The following LINGO2 variants were observed in gnomAD, a reference collection of about 807,000 sequenced individuals.
The protein encoded by LINGO2 is leucine-rich repeat and immunoglobulin-like domain-containing nogo receptor-interacting protein 2.
Under a neutral mutation model 30.6 loss-of-function variants are expected in LINGO2, and 14 were observed. That is an observed-to-expected ratio of 0.46 (90% CI 0.30 to 0.72). LINGO2 has a LOEUF of 0.72. Among genes scored for constraint, LINGO2 ranks in the 30% least tolerant of loss-of-function variants. LINGO2 has a pLI of 0.07. For missense variants in LINGO2, 729 were observed against 751.7 expected (o/e 0.97, Z 0.35); for synonymous variants, 317 against 288.5 (o/e 1.10, Z -1.00).
downstream of LINGO2, chr9:27,944,441 G>C (rs16912052): frequency 2.6e-5 from 4 of 152,074 alleles, no homozygotes; most frequent in African/African-American, 9.7e-5. Flanking sequence ...GTGAAAAGGG[G>C]AGCATCACTG....
chr9:28,826,467 T>A, the LINGO2 span, among the ~76,000 whole-genome samples: 3 of 152,140 alleles, frequency 2.0e-5, no homozygotes, highest in Non-Finnish European at 2.9e-5. Flanking sequence ...TATTGGGATC[T>A]GCAGAACTCA....
chr9:28,811,323 G>A, the LINGO2 span, among the ~76,000 whole-genome samples: 5 of 152,054 alleles, frequency 3.3e-5, no homozygotes, highest in South Asian at 4.2e-4. Flanking sequence ...GAATTACTTC[G>A]AGAGCCACTT....
chr9:28,739,719 G>GT, the LINGO2 span, among the ~76,000 whole-genome samples: 1 of 151,484 alleles, frequency 6.6e-6, no homozygotes, highest in Non-Finnish European at 1.5e-5. Context: ...AAATATAAGA[G>GT]TTTTTTTCTG....
rs80297792 is a variant in LINGO2, at chr9:28,489,429, C to G, written c.-364-13404G>C. 7.7e-3 allele frequency among the ~76,000 whole-genome samples: 1,176 copies of G among 152,192 alleles called. 15 individuals carry two copies. Among genetic ancestry groups the G allele is most frequent in the African/African-American group, 0.027 (1,104 of 41,518 alleles). ...AAGTGATCCACCTGCCTCAGCCTCT[C>G]GAAGCATTGGGATTACAGGCATAAG... On this transcript the variant is annotated intron_variant, in intron 1 of 5. Transcript: ENST00000379992.
chr9:28,626,824 TA>T (rs1374857247), intron 1 of LINGO2, among the ~76,000 whole-genome samples: 1 of 134,960 alleles, frequency 7.4e-6, no homozygotes, highest in Non-Finnish European at 1.6e-5. Context: ...CTAAAAATTC[TA>T]TTGTGTGTGT....
rs575732018 is a variant in LINGO2 at position 28,217,738 on chromosome 9, C to T, written c.-87+77470G>A. ...TTATAATGGGTCTTGGTCCGAAAGA[C>T]CCCTTCTAACATTTTAGCTGTCAGT... is the stretch of plus-strand genomic sequence containing the variant. On this transcript the variant is annotated intron_variant, in intron 4 of 5. Coordinates refer to ENST00000379992, the Ensembl canonical transcript of LINGO2. 1.4e-4 allele frequency among the ~76,000 whole-genome samples: 21 copies of T among 152,080 alleles called. No individual in the cohort carries two copies. In the East Asian group the frequency reaches 4.1e-3, roughly 29 times the overall value.
At chr9:28,582,062 T>C (rs911114056) in intron 1 of LINGO2, among the ~76,000 whole-genome samples, 1 of 152,052 alleles carries the variant, frequency 6.6e-6, no homozygotes, top group Non-Finnish European at 1.5e-5. Context: ...TCCTAAGTCC[T>C]ATATTGAGCT....
At chr9:29,103,922 G>C in the LINGO2 span, among the ~76,000 whole-genome samples, 1 of 152,168 alleles carries the variant, frequency 6.6e-6, no homozygotes, top group Non-Finnish European at 1.5e-5. Flanking sequence ...TGCGCCTCAT[G>C]AATAAGTCAC....
the LINGO2 span, among the ~76,000 whole-genome samples, chr9:28,705,025 T>C: frequency 6.6e-6 from 1 of 152,008 alleles, no homozygotes; most frequent in African/African-American, 2.4e-5. Flanking sequence ...CAGGTGATCC[T>C]CCCACCTCAG....
chr9:28,854,223 G>C, the LINGO2 span, among the ~76,000 whole-genome samples: 2 of 151,924 alleles, frequency 1.3e-5, no homozygotes, highest in Non-Finnish European at 2.9e-5. Context: ...TGTGATTTAA[G>C]CTAACTCTTC....
At chr9:28,523,713 G>C (rs1820912227) in intron 1 of LINGO2, among the ~76,000 whole-genome samples, 1 of 151,978 alleles carries the variant, frequency 6.6e-6, no homozygotes, top group Admixed American at 6.5e-5. Context: ...ATATAAAATT[G>C]ACAAAATAAG....
Position 28,462,090 on chromosome 9 carries a change from T to C in LINGO2, c.-279+13850A>G, listed in dbSNP as rs1424764225. Among the ~76,000 whole-genome samples, 3 of 152,142 alleles carry C rather than the reference T, an allele frequency of 2.0e-5. No homozygotes were observed. The South Asian group carries it at 6.2e-4, about 31-fold the overall frequency. ...TTATCTCAACACTATTCTTTATCTT[T>C]ATCTTTGTTTACATAAGTCCTAAGT... is the stretch of plus-strand genomic sequence containing the variant. On this transcript the variant is annotated intron_variant, in intron 2 of 5. Transcript: ENST00000379992.
In LINGO2 at chr9:28,363,936, A is replaced by G. The variant is rs929016493; in HGVS notation, c.-246+8900T>C. ...AAGTTACCTTTGATAAAGAAAGCTC[A>G]AAAGAGAAAATATTTGTTGTAATTG... On this transcript the variant is annotated intron_variant, in intron 3 of 5. Coordinates refer to ENST00000379992, the Ensembl canonical transcript of LINGO2. Among the ~76,000 whole-genome samples, 7 of 152,030 alleles carry G rather than the reference A, an allele frequency of 4.6e-5. No homozygotes were observed. The South Asian group carries it at 1.0e-3, about 23-fold the overall frequency.
the LINGO2 span, among the ~76,000 whole-genome samples, chr9:29,149,245 T>C: frequency 2.1e-3 from 313 of 152,240 alleles, 5 homozygotes; most frequent in South Asian, 1.2e-3. Context: ...TAATAGTTCA[T>C]TTTATTTTTT....
chr9:28,490,852 C>A (rs535086543), intron 1 of LINGO2, among the ~76,000 whole-genome samples: 1 of 152,060 alleles, frequency 6.6e-6, no homozygotes, highest in East Asian at 1.9e-4. Context: ...AATTTCACTT[C>A]AAGAAAACTA....
intron 4 of LINGO2, among the ~76,000 whole-genome samples, chr9:28,048,566 G>A (rs1288499875): frequency 6.6e-6 from 1 of 150,598 alleles, no homozygotes; most frequent in African/African-American, 2.5e-5. Context: ...TTATAAATTG[G>A]CATACCTCTT....
the LINGO2 span, among the ~76,000 whole-genome samples, chr9:29,071,555 G>A: frequency 6.9e-6 from 1 of 145,792 alleles, no homozygotes; most frequent in Non-Finnish European, 1.5e-5. Flanking sequence ...TAAGTAAGCA[G>A]AATTCCACTG....
At chr9:28,775,043 G>C in the LINGO2 span, among the ~76,000 whole-genome samples, 2 of 152,090 alleles carry the variant, frequency 1.3e-5, no homozygotes, top group African/African-American at 4.8e-5. Flanking sequence ...CTGGAAGAAG[G>C]GGAGGGGAGT....
At chr9:28,065,189 A>T (rs1329844102) in intron 4 of LINGO2, among the ~76,000 whole-genome samples, 1 of 151,398 alleles carries the variant, frequency 6.6e-6, no homozygotes, top group Non-Finnish European at 1.5e-5. Context: ...CTGATCTCCA[A>T]GTTAAAAAAA....
Sources: gnomAD v4.1 joint callset for allele counts (sites outside exome capture counted in the v4.1 genomes callset) on GRCh38, gnomAD v4.1.1 for gene constraint, MANE v1.5 for transcripts, NCBI Gene and HGNC (gene_info 2026-07-23, HGNC 2026-07-21) for gene names.